KCNIP4: variants seen among roughly 807,000 people sequenced by gnomAD.
The protein encoded by KCNIP4 is Kv channel-interacting protein 4.
Under a neutral mutation model 34.0 loss-of-function variants are expected in KCNIP4, and 12 were observed. The ratio of observed to expected loss-of-function variants is 0.35; its 90% confidence interval spans 0.23 to 0.57. The LOEUF (loss-of-function observed/expected upper bound fraction) is 0.57, where lower values mean the gene tolerates loss of function less well. Ranked by LOEUF, KCNIP4 falls within the 20% of genes least tolerant of loss-of-function variation. The pLI, the probability that KCNIP4 is intolerant of heterozygous loss-of-function variation, is 0.83. For missense variants in KCNIP4, 238 were observed against 311.7 expected, an observed-to-expected ratio of 0.76 and a Z score of 1.78; for synonymous variants, 124 against 102.2, an observed-to-expected ratio of 1.21 and a Z score of -1.29.
chr4:20,846,173 C>T (rs1425810811), intron 3 of KCNIP4, among the ~76,000 whole-genome samples: 4 of 151,990 alleles, frequency 2.6e-5, no homozygotes, highest in Non-Finnish European at 5.9e-5. Flanking sequence ...ATAATTTTAC[C>T]TATTATAATC....
chr4:20,961,817 T>A (rs1407701163), intron 1 of KCNIP4, among the ~76,000 whole-genome samples: 1 of 152,224 alleles, frequency 6.6e-6, no homozygotes, highest in African/African-American at 2.4e-5. Context: ...AAAGAGATAC[T>A]AATGCACTGT....
chr4:21,688,426 T>C (rs764575759), intron 1 of KCNIP4, among the ~76,000 whole-genome samples: 2 of 152,130 alleles, frequency 1.3e-5, no homozygotes, highest in Non-Finnish European at 2.9e-5. Flanking sequence ...CTGAACCAGG[T>C]TTTCTGTCTT....
chr4:21,594,006 C>G (rs1742427746), intron 1 of KCNIP4, among the ~76,000 whole-genome samples: 1 of 151,966 alleles, frequency 6.6e-6, no homozygotes, highest in African/African-American at 2.4e-5. Context: ...CTTAGTATAC[C>G]TTGGGGCCTG....
At chr4:21,347,451 T>C (rs1362565787) in intron 1 of KCNIP4, among the ~76,000 whole-genome samples, 1 of 152,208 alleles carries the variant, frequency 6.6e-6, no homozygotes. Context: ...CTCCCTCCAG[T>C]GTATTCCATG....
chr4:20,932,590 C>A (rs1287308521), intron 1 of KCNIP4, among the ~76,000 whole-genome samples: 3 of 151,928 alleles, frequency 2.0e-5, no homozygotes, highest in Non-Finnish European at 4.4e-5. Context: ...GATAACTATG[C>A]GAGATGATAG....
intron 1 of KCNIP4, among the ~76,000 whole-genome samples, chr4:21,943,832 G>T (rs1429380164): frequency 6.6e-6 from 1 of 152,010 alleles, no homozygotes; most frequent in African/African-American, 2.4e-5. Context: ...AGGATGCTGA[G>T]AACATAATCT....
At chr4:20,979,636 GATCC>G (rs1735870969) in intron 1 of KCNIP4, among the ~76,000 whole-genome samples, 1 of 151,894 alleles carries the variant, frequency 6.6e-6, no homozygotes, top group Non-Finnish European at 1.5e-5. Flanking sequence ...CTGACCTCGT[GATCC>G]ACCCGCCTCG....
chr4:21,096,119 C>A (rs1747439981), intron 1 of KCNIP4, among the ~76,000 whole-genome samples: 1 of 152,026 alleles, frequency 6.6e-6, no homozygotes, highest in Non-Finnish European at 1.5e-5. Flanking sequence ...TGCTGCATTC[C>A]TTTTATGATA....
intron 1 of KCNIP4, among the ~76,000 whole-genome samples, chr4:21,009,957 A>T (rs1405216805): frequency 6.6e-6 from 1 of 152,210 alleles, no homozygotes; most frequent in African/African-American, 2.4e-5. Flanking sequence ...CTTAAACAAC[A>T]GGTATTTCTC....
chr4:20,890,859 A>G (rs1560546450), intron 1 of KCNIP4, among the ~76,000 whole-genome samples: 1 of 152,192 alleles, frequency 6.6e-6, no homozygotes. Context: ...ACGTCAGCCT[A>G]TCATCATCTT....
chr4:21,736,214 C>T (rs573338501), intron 1 of KCNIP4, among the ~76,000 whole-genome samples: 1 of 152,122 alleles, frequency 6.6e-6, no homozygotes, highest in Non-Finnish European at 1.5e-5. Context: ...AAGGAAACCA[C>T]TGAGATTTTG....
intron 1 of KCNIP4, among the ~76,000 whole-genome samples, chr4:20,888,240 C>A (rs923296123): frequency 6.6e-6 from 1 of 152,020 alleles, no homozygotes; most frequent in Admixed American, 6.6e-5. Flanking sequence ...GTATACCCCA[C>A]CATATAATTA....
intron 1 of KCNIP4, among the ~76,000 whole-genome samples, chr4:21,711,716 G>C (rs972263738): frequency 3.3e-5 from 5 of 152,096 alleles, no homozygotes; most frequent in African/African-American, 1.2e-4. Context: ...TTGCAGAAAA[G>C]TAACATGCAG....
intron 1 of KCNIP4, among the ~76,000 whole-genome samples, chr4:21,819,240 CCTCT>C (rs1221969862): frequency 1.3e-5 from 2 of 152,192 alleles, no homozygotes; most frequent in African/African-American, 2.4e-5. Flanking sequence ...CTGTCACCAC[CCTCT>C]CTGTTACTGG....
chr4:20,920,567 C>T (rs1053680214), intron 1 of KCNIP4, among the ~76,000 whole-genome samples: 3 of 152,088 alleles, frequency 2.0e-5, no homozygotes, highest in Non-Finnish European at 2.9e-5. Context: ...TGGGGAGAGG[C>T]AGGGTTGCAG....
rs1317313486 is a variant in KCNIP4, at chr4:20,916,427, T to C, written c.62-33718A>G. 3 of 775,614 alleles carry C rather than the reference T, an allele frequency of 3.9e-6. 1 individual carries two copies. In the African/African-American group the frequency reaches 5.7e-5, roughly 15 times the overall value. The allele number at this position is 775,614 out of a possible 1,614,324, so 48.0% of individuals were successfully genotyped here. On this transcript the variant is annotated intron_variant, in intron 1 of 8. Coordinates refer to ENST00000382152, the MANE Select transcript of KCNIP4 (RefSeq NM_025221.6). Reference sequence around the variant, plus strand: ...AGTAGCTTTATGCACTAATAGAAAATATATGTGTGGTTTCTGTGTGCAATC... The same window carrying C: ...AGTAGCTTTATGCACTAATAGAAAACATATGTGTGGTTTCTGTGTGCAATC...
rs1271961952 is a variant in KCNIP4, at chr4:21,590,831, CCT to C, written c.61+357738_61+357739del. Among the ~76,000 whole-genome samples, 4 of 151,772 alleles carry C rather than the reference CCT, an allele frequency of 2.6e-5. No individual in the cohort carries two copies. The East Asian group carries it at 7.8e-4, about 30-fold the overall frequency. The stretch of plus-strand genomic sequence containing the variant: ...GGCTATGCTTATAGACAAAACTGAT[CCT>C]CTCTCTCTCTTAAAATTAGGTCTTA... On this transcript the variant is annotated intron_variant, in intron 1 of 8. Coordinates refer to ENST00000382152, the MANE Select transcript of KCNIP4 (RefSeq NM_025221.6).
At chr4:21,589,200 ATGTG>A (rs5856648) in intron 1 of KCNIP4, among the ~76,000 whole-genome samples, 8,456 of 33,200 alleles carry the variant, frequency 0.25, 856 homozygotes, top group African/African-American at 0.41. Context: ...ATATATATAT[ATGTG>A]TACATATATA....
chr4:21,156,073 A>C (rs1379243344), intron 1 of KCNIP4, among the ~76,000 whole-genome samples: 1 of 152,172 alleles, frequency 6.6e-6, no homozygotes, highest in Non-Finnish European at 1.5e-5. Flanking sequence ...TATTCAGGTC[A>C]ATATATTGAT....
Sources: gnomAD v4.1 joint callset for allele counts (sites outside exome capture counted in the v4.1 genomes callset) on GRCh38, gnomAD v4.1.1 for gene constraint, MANE v1.5 for transcripts, NCBI Gene and HGNC (gene_info 2026-07-23, HGNC 2026-07-21) for gene names.